Variants in MAP2K1 observed in about 807,000 individuals in gnomAD.
The protein encoded by MAP2K1 is mitogen-activated protein kinase kinase 1.
In MAP2K1, 16 loss-of-function variants were observed where a neutral mutation model predicts 46.3. The ratio of observed to expected loss-of-function variants is 0.35; its 90% CI spans 0.23 to 0.52. The LOEUF (loss-of-function observed/expected upper bound fraction) is 0.52, where lower values mean the gene tolerates loss of function less well. Ranked by LOEUF, MAP2K1 falls within the 20% of genes least tolerant of loss-of-function variation. The probability of loss-of-function intolerance (pLI) is 0.94; values close to 1 mark genes in which losing one functional copy is unlikely to be tolerated. For missense variants in MAP2K1, 263 were observed against 497.1 expected, an observed-to-expected ratio of 0.53 and a Z score of 4.48; for synonymous variants, 183 against 185.6, an observed-to-expected ratio of 0.99 and a Z score of 0.11.
chr15:66,393,470 C>T (rs78198355), intron 1 of MAP2K1, among the ~76,000 whole-genome samples: 14,409 of 152,224 alleles, frequency 0.095, 701 homozygotes, highest in African/African-American at 0.12. Context: ...ACCACCGCAC[C>T]GGCTATTAAT....
chr15:66,469,497 T>TTTTTTG (rs1555419237), intron 5 of MAP2K1, among the ~76,000 whole-genome samples: 7 of 145,020 alleles, frequency 4.8e-5, no homozygotes, highest in African/African-American at 1.5e-4. Flanking sequence ...TTTTTTTTTT[T>TTTTTTG]TTGTTGAGGA....
chr15:66,466,395 C>T (rs1892466887), intron 5 of MAP2K1, among the ~76,000 whole-genome samples: 1 of 152,128 alleles, frequency 6.6e-6, no homozygotes, highest in South Asian at 2.1e-4. Context: ...TTGTTAAAAC[C>T]TGGCTGGGCG....
chr15:66,453,075 C>G (rs1376206037), intron 5 of MAP2K1, among the ~76,000 whole-genome samples: 1 of 152,238 alleles, frequency 6.6e-6, no homozygotes, highest in African/African-American at 2.4e-5. Flanking sequence ...GTCTCTTACT[C>G]TTAACACAGT....
chr15:66,443,219 T>G, intron 3 of MAP2K1, 61 bp from the exon 4 acceptor site: 1 of 1,134,764 alleles, frequency 8.8e-7, no homozygotes, highest in Non-Finnish European at 1.3e-6. Context: ...CAGCCGAAAG[T>G]TATCACTTGA....
At chr15:66,401,817 G>T (rs916651130) in intron 1 of MAP2K1, 9 of 531,038 alleles carry the variant, frequency 1.7e-5, no homozygotes, top group South Asian at 4.6e-5. Flanking sequence ...GAATGGAGGG[G>T]CGTGGCAGGA....
intron 6 of MAP2K1, among the ~76,000 whole-genome samples, chr15:66,482,737 G>A (rs1892942709): frequency 6.6e-6 from 1 of 152,196 alleles, no homozygotes; most frequent in Admixed American, 6.5e-5. Flanking sequence ...TAGATGTTTA[G>A]TTGGCTGAGT....
At chr15:66,482,723 TG>T (rs1437266593) in intron 6 of MAP2K1, among the ~76,000 whole-genome samples, 1 of 152,032 alleles carries the variant, frequency 6.6e-6, no homozygotes, top group Non-Finnish European at 1.5e-5. Flanking sequence ...GCTTGGCAAG[TG>T]GGTAGATGTT....
chr15:66,444,899 C>T (rs1891821834), intron 5 of MAP2K1, 192 bp downstream of exon 5: 1 of 592,634 alleles, frequency 1.7e-6, no homozygotes, highest in Non-Finnish European at 3.0e-6. Context: ...CTTGCTACAC[C>T]TATTGCCTAT....
At chr15:66,424,791 C>CT (rs58738231) in intron 1 of MAP2K1, among the ~76,000 whole-genome samples, 32,723 of 81,786 alleles carry the variant, frequency 0.4, 7,907 homozygotes, top group Non-Finnish European at 0.49. Context: ...CAATCTCAAT[C>CT]TTTTTTTTTT....
intron 1 of MAP2K1, among the ~76,000 whole-genome samples, chr15:66,419,796 CA>C (rs2140551587): frequency 6.6e-6 from 1 of 152,100 alleles, no homozygotes; most frequent in Non-Finnish European, 1.5e-5. Flanking sequence ...GTTTGATTCC[CA>C]GGGGGTGTTT....
At chr15:66,396,729 AG>A (rs1471738091) in intron 1 of MAP2K1, among the ~76,000 whole-genome samples, 5 of 151,088 alleles carry the variant, frequency 3.3e-5, no homozygotes, top group Non-Finnish European at 7.4e-5. Context: ...TTGTTGCCCA[AG>A]CTGGAGTGCA....
At chr15:66,440,246 TA>T (rs2093500105) in intron 3 of MAP2K1, among the ~76,000 whole-genome samples, 3 of 152,066 alleles carry the variant, frequency 2.0e-5, no homozygotes, top group South Asian at 2.1e-4. Flanking sequence ...CACATGCCAC[TA>T]TGCCTGGCTC....
At chr15:66,435,283 A>G (rs771666331) in intron 2 of MAP2K1, 46 bp downstream of exon 2, 13 of 1,472,546 alleles carry the variant, frequency 8.8e-6, no homozygotes, top group African/African-American at 1.4e-5. Flanking sequence ...TTCTCAGGGT[A>G]CTTAGAAGCC....
intron 1 of MAP2K1, among the ~76,000 whole-genome samples, chr15:66,405,724 C>T (rs536768508): frequency 8.3e-4 from 126 of 152,278 alleles, no homozygotes; most frequent in African/African-American, 3.0e-3. Context: ...ATTCTTTCTC[C>T]CAAAGAATCC....
chr15:66,433,055 C>T (rs1309500434), intron 1 of MAP2K1, among the ~76,000 whole-genome samples: 1 of 149,942 alleles, frequency 6.7e-6, no homozygotes, highest in African/African-American at 2.5e-5. Flanking sequence ...TGTCAGGCAG[C>T]TGTAACCTCA....
intron 3 of MAP2K1, 94 bp downstream of exon 3, chr15:66,436,986 C>A: frequency 1.5e-6 from 2 of 1,294,204 alleles, no homozygotes; most frequent in Admixed American, 1.7e-5. Context: ...AGCTACCTCC[C>A]TGCTGCTCCT....
intron 5 of MAP2K1, among the ~76,000 whole-genome samples, chr15:66,463,486 T>C (rs1892382103): frequency 8.3e-6 from 1 of 120,434 alleles, no homozygotes; most frequent in Admixed American, 9.4e-5. Context: ...CAGGGGTTTT[T>C]TCATTAATTT....
At chr15:66,477,551 A>T (rs1379482155) in intron 5 of MAP2K1, among the ~76,000 whole-genome samples, 1 of 152,234 alleles carries the variant, frequency 6.6e-6, no homozygotes. Flanking sequence ...TGTTTCAATC[A>T]TGGCAAACCA....
chr15:66,390,441 A>G (rs2093353790), intron 1 of MAP2K1, among the ~76,000 whole-genome samples: 1 of 152,210 alleles, frequency 6.6e-6, no homozygotes, highest in Non-Finnish European at 1.5e-5. Context: ...CCATTTTGAC[A>G]GTAAAGAACT....
Sources: allele counts gnomAD v4.1 joint callset (sites outside exome capture counted in the v4.1 genomes callset), GRCh38; gene constraint gnomAD v4.1.1; transcripts MANE v1.5; gene names NCBI Gene and HGNC (gene_info 2026-07-23, HGNC 2026-07-21).